AFF3: variants seen among roughly 807,000 people sequenced by gnomAD.
AFF3 encodes AF4/FMR2 family member 3.
A neutral mutation model predicts 129.7 loss-of-function variants in AFF3; 32 were observed. That is an observed-to-expected ratio of 0.25 (90% CI 0.19 to 0.33). The LOEUF (loss-of-function observed/expected upper bound fraction) is 0.33, where lower values mean the gene tolerates loss of function less well. Ranked by LOEUF, AFF3 falls within the 10% of genes least tolerant of loss-of-function variation. The probability of loss-of-function intolerance (pLI) is 1.00; values close to 1 mark genes in which losing one functional copy is unlikely to be tolerated. For missense variants in AFF3, 1,373 were observed against 1,592.0 expected, an observed-to-expected ratio of 0.86 and a Z score of 2.34; for synonymous variants, 644 against 635.4, an observed-to-expected ratio of 1.01 and a Z score of -0.20.
At chr2:99,614,668 C>G (rs1306832934) in intron 13 of AFF3, among the ~76,000 whole-genome samples, 6 of 152,194 alleles carry the variant, frequency 3.9e-5, no homozygotes, top group Admixed American at 1.3e-4. Context: ...CGAAACATTT[C>G]TTAGTTTGGA....
chr2:99,683,047 GT>G (rs1474816288), intron 11 of AFF3, among the ~76,000 whole-genome samples: 1 of 152,174 alleles, frequency 6.6e-6, no homozygotes, highest in East Asian at 1.9e-4. Flanking sequence ...CTCCTGATGG[GT>G]TTGGAAGGCA....
At chr2:99,635,298 C>G (rs1255784475) in intron 13 of AFF3, among the ~76,000 whole-genome samples, 3 of 151,842 alleles carry the variant, frequency 2.0e-5, no homozygotes, top group Non-Finnish European at 1.5e-5. Flanking sequence ...TACATATACA[C>G]ATATCATATA....
chr2:99,982,794 T>C (rs1329234735), intron 7 of AFF3, among the ~76,000 whole-genome samples: 1 of 152,166 alleles, frequency 6.6e-6, no homozygotes, highest in Non-Finnish European at 1.5e-5. Flanking sequence ...AAAGGAATTA[T>C]GATTTAAAAA....
chr2:100,004,226 C>T (rs376651042), intron 7 of AFF3, among the ~76,000 whole-genome samples: 2 of 152,070 alleles, frequency 1.3e-5, no homozygotes, highest in Non-Finnish European at 2.9e-5. Context: ...GGAAATTTCC[C>T]TAAAAAACCC....
At chr2:99,697,891 T>C (rs1676451422) in intron 11 of AFF3, among the ~76,000 whole-genome samples, 1 of 152,256 alleles carries the variant, frequency 6.6e-6, no homozygotes, top group South Asian at 2.1e-4. Context: ...CAAGGTAAGG[T>C]AGTGAACAAA....
intron 12 of AFF3, among the ~76,000 whole-genome samples, chr2:99,659,130 G>A (rs1686007268): frequency 6.6e-6 from 1 of 152,238 alleles, no homozygotes; most frequent in African/African-American, 2.4e-5. Context: ...GGTCTGGGTA[G>A]GAGCGAACAT....
chr2:99,960,285 TTTAA>T (rs1156914870), intron 7 of AFF3, among the ~76,000 whole-genome samples: 1 of 152,148 alleles, frequency 6.6e-6, no homozygotes, highest in Non-Finnish European at 1.5e-5. Flanking sequence ...TCTTTAAATG[TTTAA>T]TTGTGTTTAA....
chr2:100,001,833 C>A (rs1404882946), intron 7 of AFF3, among the ~76,000 whole-genome samples: 2 of 152,266 alleles, frequency 1.3e-5, no homozygotes, highest in Non-Finnish European at 2.9e-5. Flanking sequence ...AACGACCCAT[C>A]TAAACTACAG....
At chr2:99,730,446 T>C (rs1237596108) in intron 10 of AFF3, among the ~76,000 whole-genome samples, 1 of 152,190 alleles carries the variant, frequency 6.6e-6, no homozygotes, top group Non-Finnish European at 1.5e-5. Context: ...AAATATGTTT[T>C]TTGAAAAGAA....
At chr2:100,110,433 G>A (rs1286736735) in intron 2 of AFF3, 1 of 152,280 alleles carries the variant, frequency 6.6e-6, no homozygotes, top group African/African-American at 2.4e-5. Flanking sequence ...ACACAACTGT[G>A]GGTGTCAGGC....
intron 7 of AFF3, among the ~76,000 whole-genome samples, chr2:99,842,497 C>G (rs1366643946): frequency 6.6e-6 from 1 of 152,050 alleles, no homozygotes. Flanking sequence ...AGCTGTTGCT[C>G]CGTATTTACT....
chr2:99,814,782 C>A (rs1405945045), intron 8 of AFF3, among the ~76,000 whole-genome samples: 2 of 151,850 alleles, frequency 1.3e-5, no homozygotes, highest in African/African-American at 4.9e-5. Context: ...AAAGAAGGCC[C>A]AAGGTGGAGG....
At chr2:99,858,814 T>C (rs969939270) in intron 7 of AFF3, among the ~76,000 whole-genome samples, 2 of 152,170 alleles carry the variant, frequency 1.3e-5, no homozygotes, top group Non-Finnish European at 2.9e-5. Context: ...GCTTAATACC[T>C]GGTTGATGAA....
At chr2:99,843,856 G>T (rs1423280487) in intron 7 of AFF3, among the ~76,000 whole-genome samples, 1 of 152,112 alleles carries the variant, frequency 6.6e-6, no homozygotes, top group Non-Finnish European at 1.5e-5. Flanking sequence ...AACAAGAAAT[G>T]TTTGAGATTT....
In AFF3 at chr2:99,837,504, G is replaced by A; in HGVS notation, c.894C>T (p.Thr298=). Residue 298 remains threonine, a synonymous_variant, in exon 8 of 25, where the codon ACC becomes ACT. Coordinates refer to ENST00000672756, the MANE Select transcript of AFF3 (RefSeq NM_001386135.1). The part of the protein sequence containing the change: ...KQGEESRSGE[T]NSCVEEIIRE... Reference sequence around the variant, plus strand: ...GGATTATTTCTTCAACACAGCTGTTGGTTTCTCCAGATCTACTCTCCTGAA... The same window carrying A: ...GGATTATTTCTTCAACACAGCTGTTAGTTTCTCCAGATCTACTCTCCTGAA... 6.2e-7 allele frequency: 1 copy of A among 1,613,598 alleles called. No homozygotes were observed.
At chr2:100,123,648 C>G (rs1476656070) in intron 2 of AFF3, among the ~76,000 whole-genome samples, 1 of 152,138 alleles carries the variant, frequency 6.6e-6, no homozygotes, top group Non-Finnish European at 1.5e-5. Context: ...CATTTTGACT[C>G]TTAGAAATCT....
intron 4 of AFF3, among the ~76,000 whole-genome samples, chr2:100,013,300 T>C (rs1214352841): frequency 6.6e-6 from 1 of 152,180 alleles, no homozygotes; most frequent in Non-Finnish European, 1.5e-5. Flanking sequence ...TGAAACTAAA[T>C]AAAAGTAACA....
chr2:100,041,876 A>G (rs547328945), intron 4 of AFF3, among the ~76,000 whole-genome samples: 19 of 152,368 alleles, frequency 1.2e-4, no homozygotes, highest in African/African-American at 4.3e-4. Flanking sequence ...AATTACATGC[A>G]GACTTTCAAT....
intron 1 of AFF3, among the ~76,000 whole-genome samples, chr2:100,135,171 C>T (rs1464286432): frequency 6.6e-6 from 1 of 152,188 alleles, no homozygotes; most frequent in African/African-American, 2.4e-5. Context: ...TGATAGGTCA[C>T]AGTGAAGACC....
Sources: allele counts gnomAD v4.1 joint callset (sites outside exome capture counted in the v4.1 genomes callset), GRCh38; gene constraint gnomAD v4.1.1; transcripts MANE v1.5; gene names NCBI Gene and HGNC (gene_info 2026-07-23, HGNC 2026-07-21).